The following CATSPERB variants were observed in gnomAD, a reference collection of about 807,000 sequenced individuals.
The protein encoded by CATSPERB is catsper channel auxiliary subunit beta.
CATSPERB carries 93 observed loss-of-function variants against 128.3 expected under a neutral mutation model. That is an observed-to-expected ratio of 0.72 (90% CI 0.61 to 0.86). CATSPERB has a LOEUF of 0.86. CATSPERB is among the 40% of genes least tolerant of loss of function. CATSPERB has a pLI of 0.00. For synonymous variants in CATSPERB, 381 were observed against 448.8 expected, an observed-to-expected ratio of 0.85 and a Z score of 1.91; for missense variants, 1,153 against 1,329.5, an observed-to-expected ratio of 0.87 and a Z score of 2.06.
At chr14:91,694,185 C>T (rs1276204884) in intron 7 of CATSPERB, among the ~76,000 whole-genome samples, 1 of 152,062 alleles carries the variant, frequency 6.6e-6, no homozygotes, top group Non-Finnish European at 1.5e-5. Context: ...TGGCTTACGC[C>T]TATAATCCCA....
intron 22 of CATSPERB, among the ~76,000 whole-genome samples, chr14:91,595,455 C>T (rs1420431979): frequency 6.6e-6 from 1 of 152,118 alleles, no homozygotes; most frequent in African/African-American, 2.4e-5. Context: ...GCATGAGCCA[C>T]CGCACCCAGC....
intron 22 of CATSPERB, among the ~76,000 whole-genome samples, chr14:91,606,949 C>CTAGTGACAGACATATCAAGG (rs71120175): frequency 0.59 from 88,775 of 151,490 alleles, 26,524 homozygotes; most frequent in Admixed American, 0.66. Flanking sequence ...GGAGGTGGTT[C>CTAGTGACAGACATATCAAGG]TTTGTCTTTG....
At chr14:91,691,242 T>C (rs985729948) in intron 10 of CATSPERB, among the ~76,000 whole-genome samples, 10 of 152,110 alleles carry the variant, frequency 6.6e-5, no homozygotes, top group East Asian at 3.8e-4. Flanking sequence ...AGCCTGGACA[T>C]AGCATAGGAA....
At chr14:91,646,162 C>G (rs1012976202) in intron 15 of CATSPERB, 2 of 156,726 alleles carry the variant, frequency 1.3e-5, no homozygotes, top group African/African-American at 2.4e-5. Flanking sequence ...AGAAATCACC[C>G]GTCTTCTGTG....
chr14:91,652,509 A>C (rs1355718591), intron 15 of CATSPERB, among the ~76,000 whole-genome samples: 3 of 150,738 alleles, frequency 2.0e-5, no homozygotes, highest in African/African-American at 7.3e-5. Context: ...CAATACAAAA[A>C]AAAAAAAAAA....
chr14:91,589,301 C>T (rs1390396306), intron 24 of CATSPERB, among the ~76,000 whole-genome samples: 2 of 152,160 alleles, frequency 1.3e-5, no homozygotes, highest in Non-Finnish European at 2.9e-5. Context: ...AATTTTTTTG[C>T]AGTGTAAATT....
At chr14:91,688,257 C>T (rs368302815) in intron 10 of CATSPERB, among the ~76,000 whole-genome samples, 4 of 152,214 alleles carry the variant, frequency 2.6e-5, no homozygotes, top group East Asian at 1.9e-4. Context: ...CTTAAGTAGA[C>T]GGTAGATGTT....
intron 18 of CATSPERB, among the ~76,000 whole-genome samples, chr14:91,622,893 C>CTTTTTT (rs11432858): frequency 7.8e-6 from 1 of 127,796 alleles, no homozygotes; most frequent in Non-Finnish European, 1.6e-5. Context: ...TTCTCAATGA[C>CTTTTTT]TTTTTTTTTT....
At chr14:91,652,504 CAAAA>C (rs536896278) in intron 15 of CATSPERB, among the ~76,000 whole-genome samples, 1 of 111,724 alleles carries the variant, frequency 9.0e-6, no homozygotes. Flanking sequence ...ACTAACAATA[CAAAA>C]AAAAAAAAAA....
chr14:91,653,969 C>G (rs1437708714), intron 15 of CATSPERB, among the ~76,000 whole-genome samples: 1 of 152,180 alleles, frequency 6.6e-6, no homozygotes, highest in African/African-American at 2.4e-5. Context: ...AATTCACCTA[C>G]ACTATGTTAG....
chr14:91,709,246 A>G (rs569531255), intron 5 of CATSPERB: 9 of 152,276 alleles, frequency 5.9e-5, no homozygotes, highest in African/African-American at 2.2e-4. Flanking sequence ...AACATCATAT[A>G]TGATTTCACA....
chr14:91,721,990 C>T (rs1368044065), intron 4 of CATSPERB, among the ~76,000 whole-genome samples: 1 of 151,958 alleles, frequency 6.6e-6, no homozygotes, highest in Non-Finnish European at 1.5e-5. Flanking sequence ...GCACTTTAGC[C>T]CAGGAGTTCA....
intron 5 of CATSPERB, chr14:91,714,831 A>T (rs1895910452): frequency 6.6e-6 from 1 of 152,302 alleles, no homozygotes. Context: ...AAGTGCTGGG[A>T]TTACAGGCCT....
At chr14:91,591,209 C>T (rs985906979) in intron 23 of CATSPERB, among the ~76,000 whole-genome samples, 3 of 152,074 alleles carry the variant, frequency 2.0e-5, no homozygotes, top group Admixed American at 6.5e-5. Context: ...TGCAAGCCAC[C>T]ATGCCCGGCT....
intron 14 of CATSPERB, among the ~76,000 whole-genome samples, chr14:91,667,013 G>C (rs1336925303): frequency 6.6e-6 from 1 of 152,090 alleles, no homozygotes; most frequent in Non-Finnish European, 1.5e-5. Flanking sequence ...CATAGTTAGT[G>C]ATGTAACTGT....
intron 15 of CATSPERB, among the ~76,000 whole-genome samples, chr14:91,640,426 G>C (rs1894474713): frequency 1.0e-5 from 1 of 99,602 alleles, no homozygotes; most frequent in Non-Finnish European, 1.9e-5. Context: ...CCCAGAGTGT[G>C]ATATTCCCCT....
chr14:91,604,638 T>G (rs1437110159), intron 22 of CATSPERB: 2 of 1,611,594 alleles, frequency 1.2e-6, no homozygotes, highest in African/African-American at 2.7e-5. Context: ...CAGGACTGGG[T>G]GCACCAGGTC....
At chr14:91,646,052 C>T (rs7143354) in intron 15 of CATSPERB, 27,834 of 153,332 alleles carry the variant, frequency 0.18, 2,680 homozygotes, top group South Asian at 0.23. Flanking sequence ...GGCAATGCCT[C>T]GCCCTACTTC....
intron 7 of CATSPERB, among the ~76,000 whole-genome samples, chr14:91,698,572 T>A (rs1895599465): frequency 6.6e-6 from 1 of 152,226 alleles, no homozygotes; most frequent in South Asian, 2.1e-4. Flanking sequence ...GTTCCTTCAA[T>A]GTCTTGTTGG....
Sources: gnomAD v4.1 joint callset for allele counts (sites outside exome capture counted in the v4.1 genomes callset) on GRCh38, gnomAD v4.1.1 for gene constraint, MANE v1.5 for transcripts, NCBI Gene and HGNC (gene_info 2026-07-23, HGNC 2026-07-21) for gene names.